FSD2: variants seen among roughly 807,000 people sequenced by gnomAD.
FSD2 encodes fibronectin type III and SPRY domain containing 2.
In FSD2, 71 loss-of-function variants were observed where a neutral mutation model predicts 80.4. That is an observed-to-expected ratio of 0.88 (90% CI 0.73 to 1.08). FSD2 has a LOEUF of 1.08. Among genes scored for constraint, FSD2 ranks in the 50% least tolerant of loss-of-function variants. The probability of loss-of-function intolerance (pLI) is 0.00; values close to 1 mark genes in which losing one functional copy is unlikely to be tolerated. For synonymous variants in FSD2, 361 were observed against 329.5 expected (o/e 1.10, Z -1.03); for missense variants, 923 against 913.8 (o/e 1.01, Z -0.13).
intron 3 of FSD2, 99 bp from the exon 4 acceptor site, chr15:82,783,124 A>C: frequency 1.2e-6 from 1 of 853,188 alleles, no homozygotes; most frequent in South Asian, 1.7e-5. Flanking sequence ...TTTGAGACAC[A>C]GTCTTGCAGT....
At position 82,759,406 on chromosome 15, in the gene FSD2, G is replaced by A. The variant is rs567939519; in HGVS notation, c.2192C>T (p.Pro731Leu). 94 of 1,613,714 alleles carry A rather than the reference G, an allele frequency of 5.8e-5. No individual in the cohort carries two copies. The highest frequency in any genetic ancestry group is 1.6e-4 in the Middle Eastern group (1 of 6,062). ...FVHPCFSLEK[P>L]GCLKVHNGIS... ...GCCATTATGTACCTTTAGACACCCA[G>A]GCTTTTCCAAAGAAAAACAGGGATG... Residue 731 changes from proline (P) to leucine (L), a missense_variant, in exon 13 of 13, where the codon CCT becomes CTT. Coordinates refer to ENST00000334574, the MANE Select transcript of FSD2 (RefSeq NM_001007122.4).
At chr15:82,785,121 C>T (rs2049964058) in intron 3 of FSD2, among the ~76,000 whole-genome samples, 1 of 152,078 alleles carries the variant, frequency 6.6e-6, no homozygotes, top group South Asian at 2.1e-4. Context: ...CAGAGCCACA[C>T]CACACCTTCT....
chr15:82,761,278 T>G (rs2049290679), intron 12 of FSD2, among the ~76,000 whole-genome samples: 1 of 152,184 alleles, frequency 6.6e-6, no homozygotes, highest in African/African-American at 2.4e-5. Context: ...TTTCAGTTTT[T>G]GAGGTGAAGG....
chr15:82,774,038 G>C (rs1408158120), intron 6 of FSD2, among the ~76,000 whole-genome samples: 1 of 152,152 alleles, frequency 6.6e-6, no homozygotes, highest in African/African-American at 2.4e-5. Flanking sequence ...AGGAATTACA[G>C]ACTATCCTTA....
intron 1 of FSD2, among the ~76,000 whole-genome samples, chr15:82,789,073 C>G (rs574218324): frequency 6.6e-6 from 1 of 151,434 alleles, no homozygotes; most frequent in South Asian, 2.1e-4. Context: ...ATCCCAAATA[C>G]AAGGAAAAAA....
At chr15:82,781,403 G>A (rs2049850885) in intron 4 of FSD2, among the ~76,000 whole-genome samples, 1 of 152,142 alleles carries the variant, frequency 6.6e-6, no homozygotes, top group South Asian at 2.1e-4. Flanking sequence ...GGCATGGTTG[G>A]GCTTTGAGGG....
At chr15:82,796,478 A>G (rs937496687) in intron 1 of FSD2, 18 of 153,934 alleles carry the variant, frequency 1.2e-4, no homozygotes, top group African/African-American at 4.1e-4. Context: ...AGGAGAACCA[A>G]CGGAAAGTGG....
chr15:82,787,053 G>C lies in FSD2; in HGVS notation c.338C>G (p.Pro113Arg). ...YPPYMMKRRD[P>R]AREQRDWRLS... is the part of the protein sequence containing the mutation. Reference sequence around the variant, plus strand: ...TCTCCAGTCTCTCTGCTCCCTGGCTGGGTCTCTCCTCTTCATCATATAAGG... The same window carrying C: ...TCTCCAGTCTCTCTGCTCCCTGGCTCGGTCTCTCCTCTTCATCATATAAGG... Residue 113 changes from proline to arginine, a missense_variant, in exon 2 of 13, where the codon CCA becomes CGA. By Grantham distance (103) the Pro-to-Arg change is moderately radical. Coordinates refer to ENST00000334574, the MANE Select transcript of FSD2 (RefSeq NM_001007122.4). 1 of 1,613,918 alleles carries C rather than the reference G, an allele frequency of 6.2e-7. No individual in the cohort carries two copies. Among genetic ancestry groups the C allele is most frequent in the Non-Finnish European group, 8.5e-7 (1 of 1,179,888 alleles).
At chr15:82,770,121 C>T (rs1426602069) in intron 7 of FSD2, among the ~76,000 whole-genome samples, 1 of 152,180 alleles carries the variant, frequency 6.6e-6, no homozygotes, top group East Asian at 1.9e-4. Flanking sequence ...GGGGCAATAA[C>T]AAACGATGCA....
At chr15:82,781,349 C>T (rs2151511909) in intron 4 of FSD2, among the ~76,000 whole-genome samples, 1 of 152,280 alleles carries the variant, frequency 6.6e-6, no homozygotes, top group East Asian at 1.9e-4. Context: ...AATTGCTCTC[C>T]AGCTTTATTC....
intron 4 of FSD2, among the ~76,000 whole-genome samples, chr15:82,780,890 C>T (rs1159707614): frequency 1.3e-5 from 2 of 152,006 alleles, no homozygotes; most frequent in Admixed American, 1.3e-4. Flanking sequence ...ACTGCTTTTC[C>T]CCATCAACTT....
chr15:82,765,103 C>A, intron 11 of FSD2, 63 bp downstream of exon 11: 1 of 1,506,876 alleles, frequency 6.6e-7, no homozygotes, highest in Non-Finnish European at 8.9e-7. Context: ...TCGGATTTGA[C>A]CTGAATAACA....
intron 4 of FSD2, among the ~76,000 whole-genome samples, 180 bp downstream of exon 4, chr15:82,782,612 GGCC>G (rs1567311100): frequency 1.3e-5 from 2 of 152,130 alleles, no homozygotes; most frequent in South Asian, 2.1e-4. Flanking sequence ...AGAGAGATTG[GGCC>G]ACAGCCTCCC....
rs768447735 is a variant in FSD2 at position 82,787,020 on chromosome 15, C to G, written c.371G>C (p.Gly124Ala). The change falls in exon 2 of 13, where the codon GGA (glycine) becomes GCA (alanine). Residue 124 changes from glycine (G) to alanine (A), a missense_variant. Coordinates refer to ENST00000334574, the MANE Select transcript of FSD2 (RefSeq NM_001007122.4). ...AREQRDWRLS[G>A]EAAEAEDLGF... ...CAGGTCCTCGGCCTCCGCTGCCTCT[C>G]CACTAAGTCTCCAGTCTCTCTGCTC... 1.2e-6 allele frequency: 2 copies of G among 1,613,906 alleles called. No homozygotes were observed. The highest frequency in any genetic ancestry group is 1.7e-6 in the Non-Finnish European group (2 of 1,179,910).
chr15:82,764,492 C>CTTTTTTTTTTTTTTTTTTT (rs60095355), intron 11 of FSD2, among the ~76,000 whole-genome samples: 1,357 of 86,040 alleles, frequency 0.016, 195 homozygotes, highest in Non-Finnish European at 0.02. Flanking sequence ...TCTTTACTTG[C>CTTTTTTTTTTTTTTTTTTT]TTTTTTTTTT....
In FSD2 at chr15:82,769,028, G is replaced by T. The variant is rs375725250; in HGVS notation, c.1405C>A (p.Pro469Thr). Residue 469 changes from proline (P) to threonine (T), a missense_variant and splice_region_variant, in exon 9 of 13, where the codon CCT (proline) becomes ACT (threonine). By Grantham distance (38) the Pro-to-Thr change is conservative (BLOSUM62 -1). Coordinates refer to ENST00000334574, the MANE Select transcript of FSD2 (RefSeq NM_001007122.4). Reference sequence around the variant, plus strand: ...TTGGTTTTAATAATGGGGGGAGAAGGTGCTAAATGTGGGAGAAAGGGAGAG... The same window carrying T: ...TTGGTTTTAATAATGGGGGGAGAAGTTGCTAAATGTGGGAGAAAGGGAGAG... ...SSERAVYMTA[P>T]SPPIIKTKEI... The T allele has an allele frequency of 1.8e-5, 29 of 1,573,032 alleles. No individual in the cohort carries two copies. Among genetic ancestry groups the T allele is most frequent in the Non-Finnish European group, 2.2e-5 (26 of 1,162,054 alleles).
rs2050027623 is a variant in FSD2 at position 82,787,342 on chromosome 15, T to C, written c.49A>G (p.Lys17Glu). The C allele has an allele frequency of 5.0e-6, 8 of 1,613,874 alleles. No individual in the cohort carries two copies. Among genetic ancestry groups the C allele is most frequent in the Non-Finnish European group, 6.8e-6 (8 of 1,179,848 alleles). The change falls in exon 2 of 13, where the codon AAG becomes GAG. Residue 17 changes from lysine (K) to glutamate (E), a missense_variant. By Grantham distance (56) the Lys-to-Glu change is moderately conservative. Transcript: ENST00000334574. ...TCCATGTGGTAAAAGTGGAAATCCT[T>C]GGGAGTAGACCTGTCCAGCCCCAGT... The part of the protein sequence containing the change: ...EELGLDRSTP[K>E]DFHFYHMDLY...
chr15:82,786,927 C>T lies in FSD2; in HGVS notation c.464G>A (p.Gly155Asp), dbSNP rs1406995156. Reference protein sequence around the residue: ...DLREAYRYTHGRASEEYECYV... With the variant: ...DLREAYRYTHDRASEEYECYV... ...GCATTCATACTCCTCGCTGGCACGG[C>T]CGTGTGTGTACCTATAGGCTTCCCG... is the stretch of plus-strand genomic sequence containing the variant. The change falls in exon 2 of 13, where the codon GGC becomes GAC. Residue 155 changes from glycine to aspartate, a missense_variant. Gly to Asp is a moderately conservative substitution (Grantham distance 94, BLOSUM62 -1). Coordinates refer to ENST00000334574, the MANE Select transcript of FSD2 (RefSeq NM_001007122.4). 1 of 1,614,018 alleles carries T rather than the reference C, an allele frequency of 6.2e-7. No individual in the cohort carries two copies. The highest frequency in any genetic ancestry group is 1.7e-5 in the Admixed American group (1 of 60,026).
At position 82,787,183 on chromosome 15, in the gene FSD2, C is replaced by G; in HGVS notation, c.208G>C (p.Glu70Gln). Residue 70 changes from glutamate to glutamine, a missense_variant, in exon 2 of 13, where the codon GAA (glutamate) becomes CAA (glutamine). By Grantham distance (29) the Glu-to-Gln change is conservative (BLOSUM62 2). Coordinates refer to ENST00000334574, the MANE Select transcript of FSD2 (RefSeq NM_001007122.4). ...DGKAQRDLQE[E>Q]VDELVHLYGL... ...TATAAGTGGACAAGTTCATCCACTT[C>G]CTCTTGAAGGTCTCTTTGAGCCTTA... 1 of 1,613,984 alleles carries G rather than the reference C, an allele frequency of 6.2e-7. No individual in the cohort carries two copies. Among genetic ancestry groups the G allele is most frequent in the Non-Finnish European group, 8.5e-7 (1 of 1,179,884 alleles).
Sources: allele counts gnomAD v4.1 joint callset (sites outside exome capture counted in the v4.1 genomes callset), GRCh38; gene constraint gnomAD v4.1.1; transcripts MANE v1.5; gene names NCBI Gene and HGNC (gene_info 2026-07-23, HGNC 2026-07-21).